Variants in RNF180 observed in about 807,000 individuals in gnomAD.
RNF180 encodes ring finger protein 180.
Under a neutral mutation model 59.2 loss-of-function variants are expected in RNF180, and 38 were observed. That is an observed-to-expected ratio of 0.64 (90% CI 0.50 to 0.84). The LOEUF (loss-of-function observed/expected upper bound fraction) is 0.84. RNF180 is among the 40% of genes least tolerant of loss of function. The pLI is 0.00. For missense variants in RNF180, 705 were observed against 700.9 expected (o/e 1.01, Z -0.07); for synonymous variants, 262 against 240.3 (o/e 1.09, Z -0.84).
chr5:64,360,018 G>A (rs7711598), intron 7 of RNF180, among the ~76,000 whole-genome samples: 3,682 of 151,832 alleles, frequency 0.024, 133 homozygotes, highest in African/African-American at 0.077. Context: ...TACCAGTACC[G>A]TGCTGTTTTG....
intron 5 of RNF180, among the ~76,000 whole-genome samples, chr5:64,292,224 T>C (rs1269596729): frequency 2.6e-5 from 4 of 152,024 alleles, no homozygotes; most frequent in African/African-American, 7.2e-5. Flanking sequence ...GCCTTTTGAG[T>C]TTTCAGCATT....
chr5:64,317,964 T>C (rs1298173122), intron 5 of RNF180, among the ~76,000 whole-genome samples: 1 of 152,146 alleles, frequency 6.6e-6, no homozygotes, highest in African/African-American at 2.4e-5. Flanking sequence ...AATAAAGTAT[T>C]GACTATCTCA....
chr5:64,291,551 A>C (rs1742587702), intron 5 of RNF180, among the ~76,000 whole-genome samples: 1 of 149,252 alleles, frequency 6.7e-6, no homozygotes, highest in African/African-American at 2.5e-5. Context: ...CAGCCTCCTG[A>C]GTAGCTGGGA....
chr5:64,225,295 G>A (rs1165803581), intron 5 of RNF180, among the ~76,000 whole-genome samples: 3 of 150,890 alleles, frequency 2.0e-5, no homozygotes, highest in African/African-American at 4.9e-5. Context: ...TGGCCCGGCC[G>A]CCCCGTCTGG....
At chr5:64,205,251 G>A (rs4019664) in intron 2 of RNF180, among the ~76,000 whole-genome samples, 1 of 152,118 alleles carries the variant, frequency 6.6e-6, no homozygotes, top group African/African-American at 2.4e-5. Flanking sequence ...TGAATTGTAA[G>A]GGAAACTGGG....
chr5:64,345,320 A>G (rs566618502), intron 7 of RNF180, among the ~76,000 whole-genome samples: 2 of 152,286 alleles, frequency 1.3e-5, no homozygotes, highest in African/African-American at 4.8e-5. Flanking sequence ...ATGGCACTCT[A>G]TGTCTTATCC....
chr5:64,340,548 G>C (rs929331487), intron 7 of RNF180, among the ~76,000 whole-genome samples: 1 of 152,180 alleles, frequency 6.6e-6, no homozygotes, highest in Non-Finnish European at 1.5e-5. Context: ...TGAATATAAC[G>C]CAGAAATCCA....
chr5:64,366,495 AGCTAGGTT>A (rs1746451979), intron 7 of RNF180, among the ~76,000 whole-genome samples: 1 of 151,492 alleles, frequency 6.6e-6, no homozygotes, highest in African/African-American at 2.4e-5. Context: ...TGGCCTCTAT[AGCTAGGTT>A]GGAGGAGTTC....
chr5:64,241,415 C>CTTTTTTTTT (rs1427566231), intron 5 of RNF180, among the ~76,000 whole-genome samples: 1 of 152,202 alleles, frequency 6.6e-6, no homozygotes, highest in South Asian at 2.1e-4. Flanking sequence ...CCTTTTCTTT[C>CTTTTTTTTT]TGTCTTAAAC....
chr5:64,325,108 T>C, intron 5 of RNF180, 78 bp from the exon 6 acceptor site: 1 of 890,318 alleles, frequency 1.1e-6, no homozygotes, highest in Non-Finnish European at 1.7e-6. Context: ...TTTTGTTCAT[T>C]TTAACAAAAT....
At chr5:64,275,945 C>T (rs1323685675) in intron 5 of RNF180, among the ~76,000 whole-genome samples, 1 of 152,022 alleles carries the variant, frequency 6.6e-6, no homozygotes, top group Non-Finnish European at 1.5e-5. Flanking sequence ...GTGAGCTTCC[C>T]TGCTGACAAA....
At chr5:64,316,202 C>A (rs1043395625) in intron 5 of RNF180, among the ~76,000 whole-genome samples, 8 of 152,136 alleles carry the variant, frequency 5.3e-5, no homozygotes, top group Non-Finnish European at 7.4e-5. Flanking sequence ...ATGTCACTGT[C>A]CCCAGCTTTT....
At chr5:64,289,005 C>T (rs1742432915) in intron 5 of RNF180, among the ~76,000 whole-genome samples, 4 of 152,100 alleles carry the variant, frequency 2.6e-5, no homozygotes, top group East Asian at 1.9e-4. Context: ...TTTGCCCATT[C>T]GGTATGATAC....
intron 5 of RNF180, among the ~76,000 whole-genome samples, chr5:64,233,498 G>A (rs1742221038): frequency 6.6e-6 from 1 of 152,200 alleles, no homozygotes; most frequent in Non-Finnish European, 1.5e-5. Flanking sequence ...AAAAAGGGAT[G>A]GCTTTTGCTT....
At chr5:64,228,374 C>T (rs1206657155) in intron 5 of RNF180, among the ~76,000 whole-genome samples, 1 of 151,954 alleles carries the variant, frequency 6.6e-6, no homozygotes, top group African/African-American at 2.4e-5. Flanking sequence ...CTTAGCTGGG[C>T]ATGGTTATGC....
At chr5:64,290,014 G>T (rs929866666) in intron 5 of RNF180, among the ~76,000 whole-genome samples, 1 of 151,912 alleles carries the variant, frequency 6.6e-6, no homozygotes, top group South Asian at 2.1e-4. Context: ...TTTTATGTGG[G>T]CATTTAGTTG....
intron 1 of RNF180, among the ~76,000 whole-genome samples, chr5:64,196,834 A>C (rs1353500735): frequency 2.6e-5 from 4 of 152,086 alleles, no homozygotes; most frequent in Admixed American, 2.6e-4. Flanking sequence ...TAGGTTATAA[A>C]GATTATTTCT....
intron 5 of RNF180, among the ~76,000 whole-genome samples, chr5:64,313,105 T>A (rs567768541): frequency 1.3e-5 from 2 of 152,168 alleles, no homozygotes; most frequent in African/African-American, 2.4e-5. Flanking sequence ...ACATCAAATT[T>A]ATGATTCATA....
At chr5:64,290,575 A>G (rs1330503433) in intron 5 of RNF180, among the ~76,000 whole-genome samples, 3 of 152,086 alleles carry the variant, frequency 2.0e-5, no homozygotes, top group Non-Finnish European at 4.4e-5. Flanking sequence ...TTGGGTACAT[A>G]TATATATTTA....
Sources: gnomAD v4.1 joint callset for allele counts (sites outside exome capture counted in the v4.1 genomes callset) on GRCh38, gnomAD v4.1.1 for gene constraint, MANE v1.5 for transcripts, NCBI Gene and HGNC (gene_info 2026-07-23, HGNC 2026-07-21) for gene names.